Variants in CACNA1G observed in about 807,000 individuals in gnomAD.
CACNA1G encodes the protein calcium voltage-gated channel subunit alpha1 G, also known as voltage-dependent T-type calcium channel subunit alpha-1G.
Under a neutral mutation model 219.4 loss-of-function variants are expected in CACNA1G, and 67 were observed. That is an observed-to-expected ratio of 0.31 (90% confidence interval 0.25 to 0.37). The LOEUF (loss-of-function observed/expected upper bound fraction) is 0.37, where lower values mean the gene tolerates loss of function less well. Ranked by LOEUF, CACNA1G falls within the 10% of genes least tolerant of loss-of-function variation. The pLI is 1.00. For synonymous variants in CACNA1G, 1,296 were observed against 1,345.3 expected, an observed-to-expected ratio of 0.96 and a Z score of 0.80; for missense variants, 2,380 against 3,231.4, an observed-to-expected ratio of 0.74 and a Z score of 6.39.
chr17:50,590,745 C>A, intron 10 of CACNA1G, 123 bp downstream of exon 10: 1 of 827,140 alleles, frequency 1.2e-6, no homozygotes, highest in Non-Finnish European at 1.9e-6. Flanking sequence ...CCACTGACCC[C>A]ACAGGACCTG....
rs1050611669 is a variant in CACNA1G at position 50,608,035 on chromosome 17, T to C, written c.4705+16T>C. The C allele has an allele frequency of 9.4e-6, 15 of 1,589,844 alleles. No individual in the cohort carries two copies. In the Admixed American group the frequency reaches 1.6e-4, roughly 17 times the overall value. On this transcript the variant is annotated intron_variant, in intron 25 of 37. Transcript: ENST00000359106. The stretch of plus-strand genomic sequence containing the variant: ...AAGAGAAGGAGTAAGGAGAAGCAGA[T>C]GGCTGGTCGGTAGTCTTTCCACCTC...
At chr17:50,612,511 T>C (rs1307765516) in intron 26 of CACNA1G, among the ~76,000 whole-genome samples, 4 of 152,178 alleles carry the variant, frequency 2.6e-5, no homozygotes, top group Admixed American at 2.6e-4. Context: ...TCACCCTCTT[T>C]CCTTCCACCA....
rs1454194421 is a variant in CACNA1G, at chr17:50,579,673, G to T, written c.2301+1109G>T. 3.9e-5 allele frequency among the ~76,000 whole-genome samples: 6 copies of T among 152,266 alleles called. No homozygotes were observed. The East Asian group carries it at 1.2e-3, about 29-fold the overall frequency. On this transcript the variant is annotated intron_variant, in intron 9 of 37. Transcript: ENST00000359106. ...CCCTGGGGTAGCACGGAGGCACTGG[G>T]CCATCAGAACCCAACCTTCCCTGGT...
chr17:50,578,483 G>T lies in CACNA1G; in HGVS notation c.2220G>T (p.Val740=). The stretch of plus-strand genomic sequence containing the variant: ...TCTGTGACACCTTCCGAAAGATTGT[G>T]GACAGCAAGTACTTTGGCCGGGGAA... ...RLICDTFRKI[V]DSKYFGRGIM... The change falls in exon 9 of 38, where the codon GTG becomes GTT. Residue 740 remains valine, a synonymous_variant. Coordinates refer to ENST00000359106, the MANE Select transcript of CACNA1G (RefSeq NM_018896.5). This position sits in a 1 kb window ranked among gnomAD's most constrained non-coding sequence, Gnocchi z 4.5. The T allele has an allele frequency of 6.3e-7, 1 of 1,593,754 alleles. No individual in the cohort carries two copies. The highest frequency in any genetic ancestry group is 8.6e-7 in the Non-Finnish European group (1 of 1,168,046).
In CACNA1G at chr17:50,617,989, C is replaced by T; in HGVS notation, c.5227-59C>T. ...AGGTGCTTTCCAGAGGGAAGGGGCT[C>T]AGAGAAGCTGACTGGGAGACCCAGC... On this transcript the variant is annotated intron_variant, in intron 30 of 37. Transcript: ENST00000359106. The surrounding 1 kb of genome is among the most constrained non-coding windows in gnomAD (Gnocchi z 5.8). 1 of 1,612,522 alleles carries T rather than the reference C, an allele frequency of 6.2e-7. No homozygotes were observed.
intron 7 of CACNA1G, chr17:50,573,789 T>G (rs1443406983): frequency 6.6e-6 from 1 of 152,324 alleles, no homozygotes; most frequent in African/African-American, 2.4e-5. Context: ...CAATATTTAA[T>G]AGTTTTAATC....
rs551901769 is a variant in CACNA1G, at chr17:50,603,732, G to T, written c.4170-423G>T. Among the ~76,000 whole-genome samples, 96 of 150,716 alleles carry T rather than the reference G, an allele frequency of 6.4e-4. No individual in the cohort carries two copies. The highest frequency in any genetic ancestry group is 2.3e-3 in the African/African-American group (93 of 40,904). On this transcript the variant is annotated intron_variant, in intron 21 of 37. Coordinates refer to ENST00000359106, the MANE Select transcript of CACNA1G (RefSeq NM_018896.5). This position sits in a 1 kb window ranked among gnomAD's most constrained non-coding sequence, Gnocchi z 6.4. ...AACTCAGATTTTTTTTTTTTAATAG[G>T]GATGATGTGGACTAATGGCGATGCT...
chr17:50,574,976 GT>G (rs1004365285), intron 7 of CACNA1G, among the ~76,000 whole-genome samples: 1 of 152,122 alleles, frequency 6.6e-6, no homozygotes, highest in Admixed American at 6.5e-5. Flanking sequence ...AATGGTCCCT[GT>G]TTTCAGATGA....
chr17:50,597,082 G>A (rs1227594294), intron 16 of CACNA1G, among the ~76,000 whole-genome samples, 159 bp downstream of exon 16: 1 of 152,138 alleles, frequency 6.6e-6, no homozygotes, highest in Non-Finnish European at 1.5e-5. Flanking sequence ...ATCTGCGCCG[G>A]TGATGCAAAC....
intron 1 of CACNA1G, chr17:50,563,777 T>A (rs2036780057): frequency 6.6e-6 from 1 of 152,310 alleles, no homozygotes; most frequent in South Asian, 2.1e-4. Context: ...TGGAGAAGCC[T>A]GGGTTGGCTG....
In CACNA1G at chr17:50,609,865, G is replaced by A. The variant is rs199731635; in HGVS notation, c.4706-17G>A. The A allele has an allele frequency of 2.9e-5, 47 of 1,610,030 alleles. No individual in the cohort carries two copies. Among genetic ancestry groups the A allele is most frequent in the South Asian group, 1.2e-4 (11 of 91,030 alleles). ...CCTGGTCCGGCCAGTGACCAATGTC[G>A]TGTTTCGTTCTTTTAGATCTAATGC... On this transcript the variant is annotated splice_polypyrimidine_tract_variant and intron_variant, in intron 25 of 37. Transcript: ENST00000359106.
intron 34 of CACNA1G, among the ~76,000 whole-genome samples, chr17:50,620,983 G>A (rs191078223): frequency 2.4e-4 from 36 of 152,328 alleles, no homozygotes; most frequent in Non-Finnish European, 3.8e-4. Flanking sequence ...AGGTGAGCCA[G>A]CCAGATGGTG....
intron 16 of CACNA1G, among the ~76,000 whole-genome samples, chr17:50,597,828 A>G (rs1232608206): frequency 1.3e-5 from 2 of 152,080 alleles, no homozygotes; most frequent in Non-Finnish European, 2.9e-5. Context: ...TCTGCTAATC[A>G]CCATTCCACT....
At chr17:50,594,755 C>T (rs1031170311) in intron 13 of CACNA1G, among the ~76,000 whole-genome samples, 1 of 152,106 alleles carries the variant, frequency 6.6e-6, no homozygotes, top group Non-Finnish European at 1.5e-5. Flanking sequence ...TGCCCTTGTC[C>T]CCATCTTTTT....
chr17:50,595,327 AGAAG>A (rs1161610684), intron 14 of CACNA1G, among the ~76,000 whole-genome samples: 6 of 152,196 alleles, frequency 3.9e-5, no homozygotes, highest in African/African-American at 1.4e-4. Context: ...GATGGGCCGG[AGAAG>A]GAAGGGACTT....
chr17:50,600,638 G>A lies in CACNA1G; in HGVS notation c.3691-88G>A. On this transcript the variant is annotated intron_variant, in intron 17 of 37. Coordinates refer to ENST00000359106, the MANE Select transcript of CACNA1G (RefSeq NM_018896.5). The surrounding 1 kb of genome is among the most constrained non-coding windows in gnomAD (Gnocchi z 4.1). The stretch of plus-strand genomic sequence containing the variant: ...GCCCCAGGTGGGAGAGGGTAGACAA[G>A]GAGTGAGGCTCGTGACTCTGCTGAG... The A allele has an allele frequency of 3.6e-6, 4 of 1,110,280 alleles. No individual in the cohort carries two copies. The South Asian group carries it at 3.9e-5, about 11-fold the overall frequency. 68.8% of individuals were successfully genotyped at this position (1,110,280 alleles called of 1,614,324 possible).
intron 9 of CACNA1G, among the ~76,000 whole-genome samples, chr17:50,579,757 G>A (rs143691983): frequency 6.6e-5 from 10 of 152,212 alleles, no homozygotes; most frequent in South Asian, 2.1e-4. Context: ...GAGCAGAGGC[G>A]GAGGGGGCCA....
intron 13 of CACNA1G, among the ~76,000 whole-genome samples, chr17:50,594,769 C>T (rs1200746270): frequency 6.6e-6 from 1 of 152,134 alleles, no homozygotes; most frequent in African/African-American, 2.4e-5. Context: ...TCTTTTTGGC[C>T]TCTGCACTCA....
chr17:50,591,528 G>C lies in CACNA1G; in HGVS notation c.2547G>C (p.Pro849=). Residue 849 remains proline, a synonymous_variant, in exon 11 of 38, where the codon CCG becomes CCC. Coordinates refer to ENST00000359106, the MANE Select transcript of CACNA1G (RefSeq NM_018896.5). ...TGCTGAAGCTGGTGCGCTTCCTGCC[G>C]GCGCTGCAGCGGCAGCTGGTGGTGC... ...MRVLKLVRFL[P]ALQRQLVVLM... is the part of the protein sequence containing the mutation. 2 of 1,611,966 alleles carry C rather than the reference G, an allele frequency of 1.2e-6. No homozygotes were observed. The highest frequency in any genetic ancestry group is 1.7e-6 in the Non-Finnish European group (2 of 1,179,222).
Sources: gnomAD v4.1 joint callset for allele counts (sites outside exome capture counted in the v4.1 genomes callset) on GRCh38, gnomAD v4.1.1 for gene constraint, Gnocchi (gnomAD v3.1) non-coding constraint, MANE v1.5 for transcripts, NCBI Gene and HGNC (gene_info 2026-07-23, HGNC 2026-07-21) for gene names.